Variants in CERS4 observed in about 807,000 individuals in gnomAD.
CERS4 encodes the protein ceramide synthase 4, also known as LAG1 homolog, ceramide synthase 4.
In CERS4, 65 loss-of-function variants were observed where a neutral mutation model predicts 51.8. The ratio of observed to expected loss-of-function variants is 1.26; its 90% confidence interval spans 1.03 to 1.54. The LOEUF is 1.54. CERS4 is among the 40% of genes most tolerant of loss of function. CERS4 has a pLI of 0.00. For synonymous variants in CERS4, 228 were observed against 208.4 expected, an observed-to-expected ratio of 1.09 and a Z score of -0.81; for missense variants, 563 against 500.4, an observed-to-expected ratio of 1.13 and a Z score of -1.19.
chr19:8,250,862 G>C, intron 2 of CERS4: 1 of 1,383,786 alleles, frequency 7.2e-7, no homozygotes, highest in Non-Finnish European at 9.3e-7. Context: ...AATGGAGTGG[G>C]AGTGATGAGA....
At chr19:8,245,122 A>AACAAACAAAAACAAAAAAAC (rs1555777238) in intron 2 of CERS4, among the ~76,000 whole-genome samples, 1,573 of 129,280 alleles carry the variant, frequency 0.012, 27 homozygotes, top group Non-Finnish European at 0.017. Context: ...AAAAAAAAAA[A>AACAAACAAAAACAAAAAAAC]AAAAAAAAAA....
intron 2 of CERS4, among the ~76,000 whole-genome samples, chr19:8,213,960 C>G (rs1967184244): frequency 1.3e-5 from 2 of 152,128 alleles, no homozygotes; most frequent in South Asian, 4.1e-4. Context: ...GGTGACAGAG[C>G]AAGACACTGT....
rs151172264 is a variant in CERS4, at chr19:8,247,296, G to A, written c.-1-3780G>A. On this transcript the variant is annotated intron_variant, in intron 2 of 11. Transcript: ENST00000251363. ...CCCTTGCTCACTGCACCAGCCACACGGACCTCCTCACTGTTGCTCCAACAT... is the reference window on the plus strand; with the variant it reads ...CCCTTGCTCACTGCACCAGCCACACAGACCTCCTCACTGTTGCTCCAACAT... Among the ~76,000 whole-genome samples, 338 of 146,520 alleles carry A rather than the reference G, an allele frequency of 2.3e-3. 1 individual carries two copies. The highest frequency in any genetic ancestry group is 8.0e-3 in the African/African-American group (315 of 39,344).
intron 2 of CERS4, among the ~76,000 whole-genome samples, chr19:8,232,150 C>T (rs751311099): frequency 2.6e-5 from 4 of 151,822 alleles, no homozygotes; most frequent in Non-Finnish European, 5.9e-5. Context: ...AATCTTTAAG[C>T]CAGTTTTTAT....
At chr19:8,219,361 T>G (rs1221566897) in intron 2 of CERS4, among the ~76,000 whole-genome samples, 2 of 152,178 alleles carry the variant, frequency 1.3e-5, no homozygotes, top group Non-Finnish European at 2.9e-5. Flanking sequence ...CAGGCCCATG[T>G]AGGTTCAGAT....
intron 2 of CERS4, among the ~76,000 whole-genome samples, chr19:8,221,945 G>C (rs958383701): frequency 8.2e-6 from 1 of 122,374 alleles, no homozygotes; most frequent in African/African-American, 3.0e-5. Flanking sequence ...GCAGTGGCAT[G>C]ATCGTGGCTC....
At chr19:8,256,791 G>T in intron 8 of CERS4, 81 bp downstream of exon 8, 2 of 1,568,976 alleles carry the variant, frequency 1.3e-6, no homozygotes, top group Middle Eastern at 1.7e-4. Flanking sequence ...CCTTACAACC[G>T]CACCTTGAGA....
intron 2 of CERS4, chr19:8,239,421 AAAAG>A (rs1568517637): frequency 2.0e-5 from 3 of 152,496 alleles, no homozygotes; most frequent in African/African-American, 7.2e-5. Flanking sequence ...AGAAAAAGAA[AAAAG>A]AAAAATTGCA....
At position 8,210,256 on chromosome 19, in the gene CERS4, G is replaced by T. The variant is rs988402325; in HGVS notation, c.-158-450G>T. 1.3e-5 allele frequency among the ~76,000 whole-genome samples: 2 copies of T among 152,180 alleles called. No homozygotes were observed. The highest frequency in any genetic ancestry group is 2.9e-5 in the Non-Finnish European group (2 of 68,032). ...AGCCGCTGTGGGTAGGAGAGATGGG[G>T]ATACTTGGAAGGGGGCTTCTGGCTT... On this transcript the variant is annotated intron_variant, in intron 1 of 11. Coordinates refer to ENST00000251363, the MANE Select transcript of CERS4 (RefSeq NM_024552.3). The surrounding 1 kb of genome is among the most constrained non-coding windows in gnomAD (Gnocchi z 4.2).
intron 9 of CERS4, 48 bp from the exon 10 acceptor site, chr19:8,257,831 G>A: frequency 1.4e-6 from 2 of 1,477,216 alleles, no homozygotes; most frequent in Non-Finnish European, 1.9e-6. Flanking sequence ...TTCTCTTTGA[G>A]ACCAGGGCCC....
chr19:8,253,369 G>A (rs1171954258), intron 3 of CERS4, among the ~76,000 whole-genome samples: 1 of 151,906 alleles, frequency 6.6e-6, no homozygotes, highest in Non-Finnish European at 1.5e-5. Context: ...CTTGTCCCTG[G>A]TTTGGGATTG....
At chr19:8,234,439 G>A (rs1371982924) in intron 2 of CERS4, among the ~76,000 whole-genome samples, 1 of 151,494 alleles carries the variant, frequency 6.6e-6, no homozygotes. Flanking sequence ...ATGAGCCACA[G>A]CCCCCAGCTT....
At chr19:8,238,267 C>T (rs1032456726) in intron 2 of CERS4, among the ~76,000 whole-genome samples, 3 of 152,002 alleles carry the variant, frequency 2.0e-5, no homozygotes, top group Non-Finnish European at 2.9e-5. Context: ...CCAGGGCTGG[C>T]TCAGAAGAAA....
At chr19:8,232,454 C>CT (rs1207437295) in intron 2 of CERS4, among the ~76,000 whole-genome samples, 1 of 151,862 alleles carries the variant, frequency 6.6e-6, no homozygotes, top group African/African-American at 2.4e-5. Flanking sequence ...CCACACCCGG[C>CT]AATTTTTTTG....
intron 3 of CERS4, among the ~76,000 whole-genome samples, chr19:8,252,442 CTTTTTT>C (rs58506162): frequency 0.28 from 42,029 of 148,610 alleles, 7,621 homozygotes; most frequent in Non-Finnish European, 0.41. Flanking sequence ...GGCTGGCTAA[CTTTTTT>C]TTTTTTTTGA....
At chr19:8,228,675 C>CA (rs1249354666) in intron 2 of CERS4, among the ~76,000 whole-genome samples, 10 of 138,810 alleles carry the variant, frequency 7.2e-5, no homozygotes, top group East Asian at 4.4e-4. Context: ...AACTCCGTCT[C>CA]AAAAAAAAAA....
At chr19:8,260,732 T>A (rs36255) in intron 10 of CERS4, among the ~76,000 whole-genome samples, 53,916 of 150,788 alleles carry the variant, frequency 0.36, 9,942 homozygotes, top group South Asian at 0.49. Context: ...AACAGATCAC[T>A]TGAGGTCAGG....
At chr19:8,239,086 A>G (rs571076116) in intron 2 of CERS4, among the ~76,000 whole-genome samples, 14 of 152,064 alleles carry the variant, frequency 9.2e-5, no homozygotes, top group Non-Finnish European at 1.5e-4. Context: ...GGGCAACAGA[A>G]TGAGACCCCA....
intron 2 of CERS4, among the ~76,000 whole-genome samples, chr19:8,245,552 A>G (rs1054389798): frequency 6.6e-6 from 1 of 150,944 alleles, no homozygotes; most frequent in Non-Finnish European, 1.5e-5. Flanking sequence ...TATTTTATTT[A>G]TTTTTGAGAT....
Sources: gnomAD v4.1 joint callset for allele counts (sites outside exome capture counted in the v4.1 genomes callset) on GRCh38, gnomAD v4.1.1 for gene constraint, Gnocchi (gnomAD v3.1) non-coding constraint, MANE v1.5 for transcripts, NCBI Gene and HGNC (gene_info 2026-07-23, HGNC 2026-07-21) for gene names.